Variants in LAMA4 observed in about 807,000 individuals in gnomAD.
The protein encoded by LAMA4 is laminin subunit alpha 4, also known as laminin subunit alpha-4.
LAMA4 carries 127 observed loss-of-function variants against 207.1 expected under a neutral mutation model. The ratio of observed to expected loss-of-function variants is 0.61; its 90% confidence interval spans 0.53 to 0.71. LAMA4 has a LOEUF of 0.71. LAMA4 is among the 30% of genes least tolerant of loss of function. The pLI is 0.00. For synonymous variants in LAMA4, 761 were observed against 816.0 expected (o/e 0.93, Z 1.15); for missense variants, 2,093 against 2,246.5 (o/e 0.93, Z 1.38).
intron 3 of LAMA4, among the ~76,000 whole-genome samples, chr6:112,215,372 A>C (rs1187385164): frequency 6.6e-6 from 1 of 152,264 alleles, no homozygotes; most frequent in Non-Finnish European, 1.5e-5. Flanking sequence ...TTGCATTTGC[A>C]TCTTAATGTG....
At chr6:112,154,163 C>T (rs955390588) in intron 16 of LAMA4, among the ~76,000 whole-genome samples, 1 of 151,898 alleles carries the variant, frequency 6.6e-6, no homozygotes, top group Non-Finnish European at 1.5e-5. Context: ...TTTCTTAGTC[C>T]ATTCGATTGT....
chr6:112,207,274 C>A, intron 3 of LAMA4, 129 bp from the exon 4 acceptor site: 1 of 998,606 alleles, frequency 1.0e-6, no homozygotes, highest in Non-Finnish European at 1.5e-6. Flanking sequence ...CTGTATGCGG[C>A]AGTACAGATT....
chr6:112,214,344 A>G (rs937493134), intron 3 of LAMA4, among the ~76,000 whole-genome samples: 1 of 152,078 alleles, frequency 6.6e-6, no homozygotes, highest in Admixed American at 6.5e-5. Context: ...TTGGCCTCCC[A>G]AAGTGCTGGG....
intron 7 of LAMA4, among the ~76,000 whole-genome samples, chr6:112,188,001 TG>T (rs1782796503): frequency 6.6e-6 from 1 of 152,114 alleles, no homozygotes; most frequent in Non-Finnish European, 1.5e-5. Context: ...CGTGGGCACA[TG>T]GGGAGGCAGG....
chr6:112,191,887 C>T, intron 5 of LAMA4, 37 bp from the exon 6 acceptor site: 2 of 1,458,664 alleles, frequency 1.4e-6, no homozygotes, highest in Non-Finnish European at 1.9e-6. Flanking sequence ...TATTTAGCAT[C>T]ATGGTTTTTC....
In LAMA4 at chr6:112,202,525, G is replaced by T. The variant is rs141826748; in HGVS notation, c.423-837C>A. Among the ~76,000 whole-genome samples, 491 of 152,148 alleles carry T rather than the reference G, an allele frequency of 3.2e-3. 6 individuals carry two copies. The highest frequency in any genetic ancestry group is 0.011 in the African/African-American group (474 of 41,538). ...GCTTTGGTACTATACAACCAATAAA[G>T]TGTGACCCGCTGCTCTCTTGTTCCT... On this transcript the variant is annotated intron_variant, in intron 4 of 38. Coordinates refer to ENST00000230538, the MANE Select transcript of LAMA4 (RefSeq NM_001105206.3).
chr6:112,246,000 TA>T (rs1360264803), intron 2 of LAMA4, among the ~76,000 whole-genome samples: 1 of 152,202 alleles, frequency 6.6e-6, no homozygotes, highest in African/African-American at 2.4e-5. Flanking sequence ...TTTCTCATGA[TA>T]AAAAGACTCA....
intron 13 of LAMA4, among the ~76,000 whole-genome samples, chr6:112,162,696 A>G (rs1781129076): frequency 6.6e-6 from 1 of 152,118 alleles, no homozygotes; most frequent in South Asian, 2.1e-4. Context: ...CATAGATGAG[A>G]CTGTGACTTT....
chr6:112,130,308 G>T lies in LAMA4; in HGVS notation c.3969-268C>A, dbSNP rs1258275979. ...AGTCATCAGCATTATTTTTGTGTGT[G>T]TGTGTGTGTGTGTGTGTGTGTGTGT... On this transcript the variant is annotated intron_variant, in intron 29 of 38. Coordinates refer to ENST00000230538, the MANE Select transcript of LAMA4 (RefSeq NM_001105206.3). The T allele has an allele frequency of 2.7e-5, 12 of 450,760 alleles. No individual in the cohort carries two copies. The African/African-American group carries it at 2.7e-4, about 10-fold the overall frequency. The allele number at this position is 450,760 out of a possible 1,614,324, so 27.9% of individuals were successfully genotyped here.
chr6:112,185,225 A>G lies in LAMA4; in HGVS notation c.1077+12T>C. 1.3e-6 allele frequency: 2 copies of G among 1,519,116 alleles called. No homozygotes were observed. Among genetic ancestry groups the G allele is most frequent in the Non-Finnish European group, 1.8e-6 (2 of 1,093,604 alleles). The allele number at this position is 1,519,116 out of a possible 1,614,324, so 94.1% of individuals were successfully genotyped here. On this transcript the variant is annotated intron_variant, in intron 9 of 38. Transcript: ENST00000230538. ...GAAGGCTGTCCCAGAAACTGAATAC[A>G]TACATACGTACCTTTTCAACTAATT...
chr6:112,113,047 T>G (rs1471033127), intron 38 of LAMA4, among the ~76,000 whole-genome samples: 4 of 152,116 alleles, frequency 2.6e-5, no homozygotes, highest in African/African-American at 9.7e-5. Flanking sequence ...TGAAAATAAC[T>G]TGGTTAATGG....
intron 3 of LAMA4, among the ~76,000 whole-genome samples, chr6:112,207,516 A>T (rs1351581848): frequency 2.0e-5 from 3 of 151,228 alleles, no homozygotes; most frequent in Non-Finnish European, 4.4e-5. Flanking sequence ...ATATGAAATG[A>T]GAAACCAACC....
intron 2 of LAMA4, among the ~76,000 whole-genome samples, chr6:112,220,109 A>G (rs1784842507): frequency 6.6e-6 from 1 of 152,216 alleles, no homozygotes; most frequent in African/African-American, 2.4e-5. Flanking sequence ...CACAATACTT[A>G]AAAATACATA....
rs2032567 is a variant in LAMA4, at chr6:112,136,188, C to T, written c.3349G>A (p.Gly1117Ser). ...LHVFYDFGFS[G>S]GPVHLEDTLK... ...GTATCTTCAAGATGCACAGGGCCAC[C>T]GCTGAATCCAAAATCATAGAACACA... Residue 1117 changes from glycine to serine, a missense_variant, in exon 25 of 39, where the codon GGT (glycine) becomes AGT (serine). Gly to Ser is a moderately conservative substitution (Grantham distance 56). This residue lies in a region of LAMA4 where 1,704 missense variants were observed against 1,788.4 expected (regional missense o/e 0.95). Coordinates refer to ENST00000230538, the MANE Select transcript of LAMA4 (RefSeq NM_001105206.3). 0.74 allele frequency: 1,186,852 copies of T among 1,611,098 alleles called. 440,616 individuals carry two copies. The highest frequency in any genetic ancestry group is 0.86 in the East Asian group (38,626 of 44,810).
At chr6:112,151,510 T>C (rs2114759282) in intron 16 of LAMA4, among the ~76,000 whole-genome samples, 1 of 152,264 alleles carries the variant, frequency 6.6e-6, no homozygotes, top group South Asian at 2.1e-4. Context: ...ACTCAATGAA[T>C]ATGGTATTTA....
chr6:112,164,505 G>T (rs1487916995), intron 13 of LAMA4, among the ~76,000 whole-genome samples: 1 of 152,084 alleles, frequency 6.6e-6, no homozygotes, highest in Non-Finnish European at 1.5e-5. Flanking sequence ...TCAGAGAGTC[G>T]GTGACTTCAT....
intron 2 of LAMA4, among the ~76,000 whole-genome samples, chr6:112,228,987 T>C (rs1785390679): frequency 1.3e-5 from 2 of 152,208 alleles, no homozygotes; most frequent in Admixed American, 1.3e-4. Flanking sequence ...ATGTGCGAAG[T>C]GATACCTGAT....
intron 18 of LAMA4, 127 bp from the exon 19 acceptor site, chr6:112,145,060 T>C: frequency 1.1e-6 from 1 of 944,184 alleles, no homozygotes. Context: ...TCCTGCAAAA[T>C]TAATAGTAAA....
Position 112,174,502 on chromosome 6 carries a change from T to C in LAMA4, c.1357+811A>G, listed in dbSNP as rs539256031. Among the ~76,000 whole-genome samples the C allele has an allele frequency of 1.9e-4, 29 of 152,318 alleles. No homozygotes were observed. In the East Asian group the frequency reaches 4.4e-3, roughly 23 times the overall value. On this transcript the variant is annotated intron_variant, in intron 11 of 38. Coordinates refer to ENST00000230538, the MANE Select transcript of LAMA4 (RefSeq NM_001105206.3). ...AATACATTTGGGGTGGTTTTTGTTT[T>C]GTTTTGTTTTGGGACAGAGTCTCAC...
Sources: allele counts gnomAD v4.1 joint callset (sites outside exome capture counted in the v4.1 genomes callset), GRCh38; gene constraint gnomAD v4.1.1; regional missense constraint gnomAD v4.1.1; transcripts MANE v1.5; gene names NCBI Gene and HGNC (gene_info 2026-07-23, HGNC 2026-07-21).